Variants in SLC4A10 observed in about 807,000 individuals in gnomAD.
The protein encoded by SLC4A10 is sodium-driven chloride bicarbonate exchanger.
A neutral mutation model predicts 137.7 loss-of-function variants in SLC4A10; 42 were observed. The observed-to-expected ratio is 0.30, with a 90% CI of 0.24 to 0.39. SLC4A10 has a LOEUF of 0.39. Among genes scored for constraint, SLC4A10 ranks in the 10% least tolerant of loss-of-function variants. The pLI, the probability that SLC4A10 is intolerant of heterozygous loss-of-function variation, is 1.00. For synonymous variants in SLC4A10, 474 were observed against 464.1 expected (o/e 1.02, Z -0.27); for missense variants, 925 against 1,355.0 (o/e 0.68, Z 4.98).
intron 2 of SLC4A10, among the ~76,000 whole-genome samples, chr2:161,777,634 GAGAGAGCTT>G (rs1050197917): frequency 1.3e-5 from 2 of 151,964 alleles, no homozygotes; most frequent in African/African-American, 4.8e-5. Context: ...GGCAGAAAGA[GAGAGAGCTT>G]GGGCAGAGAA....
chr2:161,707,288 T>C (rs1249840992), intron 1 of SLC4A10, among the ~76,000 whole-genome samples: 1 of 151,432 alleles, frequency 6.6e-6, no homozygotes, highest in African/African-American at 2.4e-5. Context: ...TAAGACTCAT[T>C]GTGACTAGTC....
chr2:161,763,538 C>G (rs903287956), intron 1 of SLC4A10, among the ~76,000 whole-genome samples: 6 of 152,036 alleles, frequency 3.9e-5, no homozygotes, highest in Non-Finnish European at 7.4e-5. Flanking sequence ...TAGTACTACC[C>G]CTAGGCCTAA....
At chr2:161,856,032 A>G (rs893974822) in intron 5 of SLC4A10, among the ~76,000 whole-genome samples, 74 of 152,226 alleles carry the variant, frequency 4.9e-4, no homozygotes, top group Middle Eastern at 3.4e-3. Flanking sequence ...TATCTACTTT[A>G]ATCTGCAGAA....
chr2:161,779,698 T>G (rs2052786752), intron 2 of SLC4A10, among the ~76,000 whole-genome samples: 2 of 152,018 alleles, frequency 1.3e-5, no homozygotes, highest in Admixed American at 6.6e-5. Flanking sequence ...ATATTTTACC[T>G]CTAAAATCTT....
intron 12 of SLC4A10, among the ~76,000 whole-genome samples, 155 bp from the exon 13 acceptor site, chr2:161,903,849 G>A (rs1337040573): frequency 6.6e-6 from 1 of 152,170 alleles, no homozygotes; most frequent in African/African-American, 2.4e-5. Flanking sequence ...GTGCCTCCCT[G>A]TAGATTGTTA....
At chr2:161,974,072 T>C (rs2105969438) in intron 23 of SLC4A10, among the ~76,000 whole-genome samples, 177 bp from the exon 24 acceptor site, 1 of 152,358 alleles carries the variant, frequency 6.6e-6, no homozygotes, top group South Asian at 2.1e-4. Context: ...CATTAATTAC[T>C]TATGTTCTTG....
intron 1 of SLC4A10, among the ~76,000 whole-genome samples, chr2:161,740,162 A>T (rs372184300): frequency 2.0e-5 from 3 of 152,190 alleles, no homozygotes; most frequent in East Asian, 3.8e-4. Flanking sequence ...GATCAGTAGC[A>T]TCCTTCCAAA....
chr2:161,901,105 ATACTTTTAAT>A, intron 12 of SLC4A10, 94 bp downstream of exon 12: 1 of 864,684 alleles, frequency 1.2e-6, no homozygotes, highest in African/African-American at 1.7e-5. Context: ...AATTTATTGT[ATACTTTTAAT>A]ACCTGCTTTT....
chr2:161,907,211 A>G (rs923996937), intron 15 of SLC4A10, among the ~76,000 whole-genome samples: 1 of 152,240 alleles, frequency 6.6e-6, no homozygotes, highest in African/African-American at 2.4e-5. Context: ...GGAAATATAA[A>G]ATAATTTTCC....
intron 26 of SLC4A10, among the ~76,000 whole-genome samples, chr2:161,982,413 T>A (rs1339946819): frequency 6.6e-6 from 1 of 152,036 alleles, no homozygotes; most frequent in Non-Finnish European, 1.5e-5. Context: ...GATGGGAAAA[T>A]ATTGAACCAA....
At chr2:161,861,646 C>A (rs1438271535) in intron 5 of SLC4A10, among the ~76,000 whole-genome samples, 1 of 152,150 alleles carries the variant, frequency 6.6e-6, no homozygotes, top group African/African-American at 2.4e-5. Context: ...CCATAATCTA[C>A]ATTATGAAAA....
chr2:161,884,539 T>G (rs1318172036), intron 10 of SLC4A10, among the ~76,000 whole-genome samples: 1 of 152,194 alleles, frequency 6.6e-6, no homozygotes, highest in Non-Finnish European at 1.5e-5. Context: ...CTTTGATTAG[T>G]GAGAGCTACC....
chr2:161,646,390 T>G lies in SLC4A10; in HGVS notation c.48+21824T>G, dbSNP rs552686052. Among the ~76,000 whole-genome samples the G allele has an allele frequency of 1.1e-3, 170 of 152,154 alleles. 2 individuals carry two copies. In the South Asian group the frequency reaches 0.02, roughly 18 times the overall value. On this transcript the variant is annotated intron_variant, in intron 1 of 26. Transcript: ENST00000446997. ...TGCCTTTAAACCAAATGTAAAGGGA[T>G]GGTTGCTAAAAACAAATATGCTAAA... is the stretch of plus-strand genomic sequence containing the variant.
chr2:161,628,830 G>A (rs1308956678), intron 1 of SLC4A10, among the ~76,000 whole-genome samples: 5 of 151,890 alleles, frequency 3.3e-5, no homozygotes, highest in African/African-American at 1.2e-4. Flanking sequence ...TAAGTATTGA[G>A]TTTACTTATT....
chr2:161,847,711 T>A (rs1175891983), intron 4 of SLC4A10, among the ~76,000 whole-genome samples: 1 of 152,160 alleles, frequency 6.6e-6, no homozygotes, highest in Non-Finnish European at 1.5e-5. Flanking sequence ...CATTATCTCA[T>A]TTTTTATAGC....
chr2:161,649,347 C>G (rs1488901194), intron 1 of SLC4A10, among the ~76,000 whole-genome samples: 1 of 152,096 alleles, frequency 6.6e-6, no homozygotes, highest in Non-Finnish European at 1.5e-5. Context: ...GGTGACAGAG[C>G]CAGACCTTGT....
At chr2:161,898,995 A>G (rs1360512245) in intron 11 of SLC4A10, among the ~76,000 whole-genome samples, 1 of 152,000 alleles carries the variant, frequency 6.6e-6, no homozygotes, top group Non-Finnish European at 1.5e-5. Flanking sequence ...TCACTCTCAT[A>G]TGCTGATGTG....
intron 1 of SLC4A10, among the ~76,000 whole-genome samples, chr2:161,688,350 A>G (rs1350798686): frequency 6.6e-6 from 1 of 152,192 alleles, no homozygotes; most frequent in African/African-American, 2.4e-5. Context: ...CCTAGAATGA[A>G]CAATATTCTC....
intron 1 of SLC4A10, among the ~76,000 whole-genome samples, chr2:161,737,531 A>G (rs2047469768): frequency 6.6e-6 from 1 of 152,012 alleles, no homozygotes; most frequent in African/African-American, 2.4e-5. Context: ...AGTCTTTTAA[A>G]AAAATAAAGA....
Sources: gnomAD v4.1 joint callset for allele counts (sites outside exome capture counted in the v4.1 genomes callset) on GRCh38, gnomAD v4.1.1 for gene constraint, MANE v1.5 for transcripts, NCBI Gene and HGNC (gene_info 2026-07-23, HGNC 2026-07-21) for gene names.